The following DNAH12 variants were observed in gnomAD, a reference collection of about 807,000 sequenced individuals.
DNAH12 encodes axonemal beta dynein heavy chain 12.
DNAH12 carries 285 observed loss-of-function variants against 371.5 expected under a neutral mutation model. The ratio of observed to expected loss-of-function variants is 0.77; its 90% CI spans 0.70 to 0.85. The LOEUF (loss-of-function observed/expected upper bound fraction) is 0.85, where lower values mean the gene tolerates loss of function less well. DNAH12 is among the 40% of genes least tolerant of loss of function. DNAH12 has a pLI of 0.00. For missense variants in DNAH12, 3,611 were observed against 3,689.4 expected, an observed-to-expected ratio of 0.98 and a Z score of 0.55; for synonymous variants, 1,200 against 1,213.0, an observed-to-expected ratio of 0.99 and a Z score of 0.22.
intron 12 of DNAH12, among the ~76,000 whole-genome samples, chr3:57,487,525 A>G (rs913335775): frequency 6.6e-6 from 1 of 152,140 alleles, no homozygotes; most frequent in Non-Finnish European, 1.5e-5. Flanking sequence ...TTGGGCAGAG[A>G]TACTTCAGCA....
chr3:57,548,578 C>T (rs1396727725), upstream of DNAH12, among the ~76,000 whole-genome samples: 1 of 152,028 alleles, frequency 6.6e-6, no homozygotes, highest in Admixed American at 6.6e-5. Flanking sequence ...TGGTGGTGTG[C>T]ACTTGTGGGC....
chr3:57,314,394 T>G, intron 66 of DNAH12, 100 bp downstream of exon 66: 1 of 1,372,408 alleles, frequency 7.3e-7, no homozygotes, highest in Non-Finnish European at 1.0e-6. Flanking sequence ...ACCCACCTGT[T>G]AGTGTTGGGA....
chr3:57,383,705 A>G, intron 49 of DNAH12, among the ~76,000 whole-genome samples: 1 of 148,628 alleles, frequency 6.7e-6, no homozygotes, highest in Non-Finnish European at 1.5e-5. Context: ...GGTTGTGGTG[A>G]GCTATGATCA....
chr3:57,428,857 T>C (rs768085870), intron 33 of DNAH12, 36 bp from the exon 34 acceptor site: 17 of 1,484,900 alleles, frequency 1.1e-5, no homozygotes, highest in African/African-American at 5.7e-5. Flanking sequence ...ACTGTTGTTT[T>C]TATACCAGTG....
chr3:57,310,560 A>G (rs776031716), intron 67 of DNAH12, among the ~76,000 whole-genome samples, 157 bp downstream of exon 67: 2 of 152,182 alleles, frequency 1.3e-5, no homozygotes, highest in Non-Finnish European at 2.9e-5. Context: ...GAATACTCAA[A>G]CTTTTCTAAT....
intron 3 of DNAH12, 30 bp from the exon 4 acceptor site, chr3:57,523,639 T>C (rs146095437): frequency 0.027 from 41,115 of 1,505,560 alleles, 689 homozygotes; most frequent in Middle Eastern, 0.033. Flanking sequence ...TATAATTAAA[T>C]CAAGGAGAAC....
intron 47 of DNAH12, among the ~76,000 whole-genome samples, chr3:57,385,806 C>G (rs914937070): frequency 6.6e-6 from 1 of 151,984 alleles, no homozygotes; most frequent in Non-Finnish European, 1.5e-5. Flanking sequence ...TGCTTGAACC[C>G]GGGAGGTGGA....
chr3:57,324,935 G>A (rs979785174), intron 62 of DNAH12, among the ~76,000 whole-genome samples: 2 of 152,232 alleles, frequency 1.3e-5, no homozygotes, highest in African/African-American at 4.8e-5. Flanking sequence ...ACATGGCTCA[G>A]AGGGTCCTAC....
intron 13 of DNAH12, among the ~76,000 whole-genome samples, chr3:57,474,278 A>G (rs954278170): frequency 2.0e-5 from 3 of 152,198 alleles, no homozygotes; most frequent in Non-Finnish European, 4.4e-5. Context: ...AGAAATTTAA[A>G]ATATATAAAA....
intron 59 of DNAH12, among the ~76,000 whole-genome samples, chr3:57,353,895 T>C (rs1380735394): frequency 2.0e-5 from 3 of 152,148 alleles, no homozygotes; most frequent in Non-Finnish European, 4.4e-5. Context: ...GGTGAAGTTG[T>C]GGAGCAAAGG....
chr3:57,485,093 T>C (rs879490138), intron 12 of DNAH12, among the ~76,000 whole-genome samples: 1 of 152,140 alleles, frequency 6.6e-6, no homozygotes, highest in African/African-American at 2.4e-5. Flanking sequence ...AGAATGTAAA[T>C]TAGTACAACC....
rs1326237791 is a variant in DNAH12 at position 57,389,839 on chromosome 3, T to TATATATATATATATATATATAA, written c.7305+2032_7305+2033insTTATATATATATATATATATAT. ...GTGTGTGTGTATATATATATATATA[T>TATATATATATATATATATATAA]AATACTTTTTTTTTTGAAATGGAGT... On this transcript the variant is annotated intron_variant, in intron 45 of 73. Coordinates refer to ENST00000495027, the MANE Select transcript of DNAH12 (RefSeq NM_001366028.2). Among the ~76,000 whole-genome samples the TATATATATATATATATATATAA allele has an allele frequency of 4.2e-3, 354 of 84,672 alleles. 33 individuals are homozygous for TATATATATATATATATATATAA. Among genetic ancestry groups the TATATATATATATATATATATAA allele is most frequent in the Non-Finnish European group, 6.6e-3 (239 of 36,190 alleles). The allele number at this position is 84,672 out of a possible 152,430, so 55.5% of individuals were successfully genotyped here. A position where few individuals can be genotyped will look rare whatever the true frequency, so the allele number is the denominator to read the frequency against.
At chr3:57,513,327 T>A (rs1331115631) in intron 4 of DNAH12, among the ~76,000 whole-genome samples, 1 of 151,762 alleles carries the variant, frequency 6.6e-6, no homozygotes, top group African/African-American at 2.4e-5. Context: ...TGAGAACACA[T>A]GGACACAGGG....
the DNAH12 span, among the ~76,000 whole-genome samples, chr3:57,554,201 C>T: frequency 4.0e-5 from 5 of 124,420 alleles, 2 homozygotes; most frequent in Admixed American, 1.5e-4. Flanking sequence ...GCATGAGAAT[C>T]GCTTGAACCC....
chr3:57,450,569 CT>C (rs1274094950), intron 25 of DNAH12, among the ~76,000 whole-genome samples: 2 of 152,308 alleles, frequency 1.3e-5, no homozygotes, highest in East Asian at 3.9e-4. Context: ...GAATATGATT[CT>C]GATTTTTACA....
chr3:57,538,474 A>G (rs2153402400), intron 2 of DNAH12, among the ~76,000 whole-genome samples: 1 of 152,324 alleles, frequency 6.6e-6, no homozygotes, highest in South Asian at 2.1e-4. Context: ...ATCAACAATA[A>G]CATGCCAAAC....
chr3:57,448,687 A>T (rs1402782066), intron 25 of DNAH12, among the ~76,000 whole-genome samples: 1 of 152,090 alleles, frequency 6.6e-6, no homozygotes, highest in African/African-American at 2.4e-5. Context: ...GCTGATTGGT[A>T]GAGCGAGTGG....
chr3:57,387,086 CT>C lies in DNAH12; in HGVS notation c.7438del (p.Arg2480GlyfsTer6). On this transcript the variant is annotated frameshift_variant and splice_region_variant, in exon 46 of 74. Transcript: ENST00000495027. LOFTEE classifies it high-confidence loss of function. ...CATTTTTAAATTCACTAATATTAAC[CT>C]TTCTGAAAGATCCATAATGGAGGTG... The part of the protein sequence containing the change: ...FHTSIMDLSE[R>X]FLHELGRHNY... 6.6e-6 allele frequency: 1 copy of C among 152,292 alleles called. No individual in the cohort carries two copies. Among genetic ancestry groups the C allele is most frequent in the Non-Finnish European group, 1.5e-5 (1 of 68,018 alleles). The allele number at this position is 152,292 out of a possible 1,614,324, so 9.4% of individuals were successfully genotyped here.
chr3:57,336,096 C>T (rs548923039), intron 60 of DNAH12, among the ~76,000 whole-genome samples: 48 of 152,340 alleles, frequency 3.2e-4, no homozygotes, highest in African/African-American at 1.1e-3. Context: ...ATCCTCCTGA[C>T]TTAGCCTTCT....
Sources: gnomAD v4.1 joint callset for allele counts (sites outside exome capture counted in the v4.1 genomes callset) on GRCh38, gnomAD v4.1.1 for gene constraint, MANE v1.5 for transcripts, NCBI Gene and HGNC (gene_info 2026-07-23, HGNC 2026-07-21) for gene names.